Variants in DLG2 observed in about 807,000 individuals in gnomAD.
DLG2 encodes the protein discs large MAGUK scaffold protein 2, also known as disks large homolog 2.
A neutral mutation model predicts 132.5 loss-of-function variants in DLG2; 45 were observed. That is an observed-to-expected ratio of 0.34 (90% CI 0.27 to 0.44). The LOEUF (loss-of-function observed/expected upper bound fraction) is 0.44. Among genes scored for constraint, DLG2 ranks in the 20% least tolerant of loss-of-function variants. DLG2 has a pLI of 1.00. For synonymous variants in DLG2, 424 were observed against 419.6 expected (o/e 1.01, Z -0.13); for missense variants, 1,045 against 1,196.9 (o/e 0.87, Z 1.87).
At chr11:84,040,373 AATC>A (rs1367021314) in intron 11 of DLG2, among the ~76,000 whole-genome samples, 21 of 152,002 alleles carry the variant, frequency 1.4e-4, no homozygotes, top group African/African-American at 5.1e-4. Context: ...TTAAGTCTTT[AATC>A]CATCTTGAAT....
intron 6 of DLG2, among the ~76,000 whole-genome samples, chr11:85,109,807 T>C (rs183882818): frequency 6.6e-6 from 1 of 152,046 alleles, no homozygotes; most frequent in Non-Finnish European, 1.5e-5. Flanking sequence ...AAAACAAAAT[T>C]TCTGAAAACA....
chr11:84,663,060 T>C (rs1307040387), intron 6 of DLG2, among the ~76,000 whole-genome samples: 3 of 152,042 alleles, frequency 2.0e-5, no homozygotes, highest in African/African-American at 7.2e-5. Flanking sequence ...CTCTGTTTAT[T>C]ACCGGAAAAT....
chr11:83,890,236 C>T (rs1264512166), intron 15 of DLG2, among the ~76,000 whole-genome samples: 1 of 151,904 alleles, frequency 6.6e-6, no homozygotes, highest in Admixed American at 6.6e-5. Flanking sequence ...ATTCAAATTG[C>T]CCTGGATATC....
rs192934375 is a variant in DLG2 at position 83,882,231 on chromosome 11, G to A, written c.1497-7743C>T. On this transcript the variant is annotated intron_variant, in intron 15 of 27. Coordinates refer to ENST00000376104, the MANE Select transcript of DLG2 (RefSeq NM_001142699.3). ...AACACCATCAAAACTGTGGCCAGAC[G>A]TTGAAAATTCCAGAAAAAATCTTGA... Among the ~76,000 whole-genome samples the A allele has an allele frequency of 9.8e-4, 149 of 152,176 alleles. 2 individuals are homozygous for A. Among genetic ancestry groups the A allele is most frequent in the African/African-American group, 3.3e-3 (137 of 41,508 alleles).
At chr11:85,379,289 C>A (rs115937961) in intron 3 of DLG2, among the ~76,000 whole-genome samples, 2 of 152,152 alleles carry the variant, frequency 1.3e-5, no homozygotes, top group Non-Finnish European at 2.9e-5. Context: ...ACCACAGACG[C>A]TCCTCCCTAA....
intron 7 of DLG2, among the ~76,000 whole-genome samples, chr11:84,329,051 G>A (rs370201227): frequency 2.0e-5 from 3 of 152,138 alleles, no homozygotes; most frequent in African/African-American, 7.2e-5. Context: ...AAATTGAGAT[G>A]TACAGAAACA....
At chr11:84,460,023 G>A (rs1255490398) in intron 7 of DLG2, among the ~76,000 whole-genome samples, 1 of 150,640 alleles carries the variant, frequency 6.6e-6, no homozygotes, top group Non-Finnish European at 1.5e-5. Flanking sequence ...TCTACACTAT[G>A]TCAAATAGTG....
At chr11:85,073,584 T>C (rs1010116395) in intron 6 of DLG2, among the ~76,000 whole-genome samples, 1 of 151,834 alleles carries the variant, frequency 6.6e-6, no homozygotes, top group Non-Finnish European at 1.5e-5. Flanking sequence ...CACCTGTAAA[T>C]CTAGTTGAAG....
intron 6 of DLG2, among the ~76,000 whole-genome samples, chr11:84,669,117 G>T (rs574545375): frequency 6.6e-5 from 10 of 152,212 alleles, no homozygotes; most frequent in Non-Finnish European, 1.5e-4. Flanking sequence ...GATGACACTA[G>T]AGGTAAGACC....
intron 7 of DLG2, among the ~76,000 whole-genome samples, chr11:84,382,056 A>C (rs183950311): frequency 7.2e-5 from 11 of 152,302 alleles, no homozygotes; most frequent in Admixed American, 6.5e-4. Flanking sequence ...AATGTTGGGC[A>C]GACAGAAAGA....
chr11:85,425,465 G>T (rs1157696672), intron 3 of DLG2, among the ~76,000 whole-genome samples: 8 of 152,026 alleles, frequency 5.3e-5, no homozygotes, highest in Non-Finnish European at 1.2e-4. Flanking sequence ...TATACCCAAT[G>T]TTTTTGAGGT....
intron 19 of DLG2, among the ~76,000 whole-genome samples, chr11:83,595,632 G>A (rs111353138): frequency 0.018 from 2,672 of 152,218 alleles, 69 homozygotes; most frequent in African/African-American, 0.061. Flanking sequence ...TTACTGATGC[G>A]GTCTCAGGCT....
intron 3 of DLG2, among the ~76,000 whole-genome samples, chr11:85,440,229 T>C (rs1356497196): frequency 6.6e-6 from 1 of 152,250 alleles, no homozygotes; most frequent in Non-Finnish European, 1.5e-5. Flanking sequence ...CTTCTATGTA[T>C]TCGCTGTATG....
At chr11:84,037,850 T>C (rs956228916) in intron 11 of DLG2, among the ~76,000 whole-genome samples, 1 of 152,140 alleles carries the variant, frequency 6.6e-6, no homozygotes, top group Non-Finnish European at 1.5e-5. Context: ...TATAATTTCA[T>C]GGTACATAGT....
chr11:83,556,301 G>A (rs2436157), intron 19 of DLG2, among the ~76,000 whole-genome samples: 71,850 of 151,818 alleles, frequency 0.47, 17,561 homozygotes, highest in Admixed American at 0.57. Flanking sequence ...GCAGGGAAAC[G>A]TTTCTACTGA....
At chr11:84,486,726 G>C (rs2099151962) in intron 7 of DLG2, among the ~76,000 whole-genome samples, 2 of 151,952 alleles carry the variant, frequency 1.3e-5, no homozygotes. Flanking sequence ...CTCATCATTG[G>C]CTTAAAAAAT....
intron 8 of DLG2, among the ~76,000 whole-genome samples, chr11:84,203,581 C>CAAAAAAAAA (rs58934857): frequency 1.8e-4 from 18 of 99,374 alleles, no homozygotes; most frequent in African/African-American, 6.4e-4. Flanking sequence ...GACTCCGTCT[C>CAAAAAAAAA]AAAAAAAAAA....
chr11:84,375,580 C>T (rs1600935800), intron 7 of DLG2, among the ~76,000 whole-genome samples: 1 of 151,978 alleles, frequency 6.6e-6, no homozygotes, highest in South Asian at 2.1e-4. Flanking sequence ...TTTTTGTCTA[C>T]AGATAGACTG....
chr11:84,484,922 C>T (rs2099147028), intron 7 of DLG2, among the ~76,000 whole-genome samples: 1 of 152,122 alleles, frequency 6.6e-6, no homozygotes, highest in Non-Finnish European at 1.5e-5. Context: ...CAAACTGAGT[C>T]TCTAACACTT....
Sources: gnomAD v4.1 joint callset for allele counts (sites outside exome capture counted in the v4.1 genomes callset) on GRCh38, gnomAD v4.1.1 for gene constraint, MANE v1.5 for transcripts, NCBI Gene and HGNC (gene_info 2026-07-23, HGNC 2026-07-21) for gene names.